FBXW4: variants seen among roughly 807,000 people sequenced by gnomAD.
The protein encoded by FBXW4 is F-box and WD repeat domain containing 4.
In FBXW4, 40 loss-of-function variants were observed where a neutral mutation model predicts 61.8. The observed-to-expected ratio is 0.65, with a 90% confidence interval of 0.50 to 0.84. FBXW4 has a LOEUF of 0.84. Among genes scored for constraint, FBXW4 ranks in the 40% least tolerant of loss-of-function variants. The pLI is 0.00. For missense variants in FBXW4, 672 were observed against 753.8 expected (o/e 0.89, Z 1.27); for synonymous variants, 311 against 313.8 (o/e 0.99, Z 0.10).
intron 1 of FBXW4, among the ~76,000 whole-genome samples, chr10:101,681,381 T>C (rs897741230): frequency 1.6e-5 from 2 of 122,448 alleles, no homozygotes; most frequent in Non-Finnish European, 3.3e-5. Context: ...AGAGCGAAAC[T>C]CCGTCTCAAA....
chr10:101,672,393 C>T (rs951884305), intron 4 of FBXW4, among the ~76,000 whole-genome samples: 3 of 152,106 alleles, frequency 2.0e-5, no homozygotes, highest in Admixed American at 6.5e-5. Context: ...ATCTGTGGAC[C>T]GGGCAATTTG....
At position 101,695,146 on chromosome 10, in the gene FBXW4, G is replaced by C; in HGVS notation, c.-41C>G. 3 of 985,124 alleles carry C rather than the reference G, an allele frequency of 3.0e-6. No individual in the cohort carries two copies. The highest frequency in any genetic ancestry group is 2.4e-6 in the Non-Finnish European group (2 of 829,980). The allele number at this position is 985,124 out of a possible 1,614,324, so 61.0% of individuals were successfully genotyped here. ...CGGCCCGACGCGGAGCCCAGCCCGA[G>C]CCGCCACCGCCGCCGCCCCGGGAGG... On this transcript the variant is annotated 5_prime_UTR_variant, in exon 1 of 9. Transcript: ENST00000331272. The surrounding 1 kb of genome is among the most constrained non-coding windows in gnomAD (Gnocchi z 4.2).
rs181800505 is a variant in FBXW4 at position 101,691,913 on chromosome 10, G to C, written c.725+2468C>G. 1.6e-3 allele frequency among the ~76,000 whole-genome samples: 245 copies of C among 152,270 alleles called. 1 individual carries two copies. The highest frequency in any genetic ancestry group is 0.01 in the Middle Eastern group (3 of 294). The stretch of plus-strand genomic sequence containing the variant: ...ACCATCAAATTCAAAATTTACAAGA[G>C]TAGAGTAATCTTCTACATTCAGTAA... On this transcript the variant is annotated intron_variant, in intron 1 of 8. Coordinates refer to ENST00000331272, the MANE Select transcript of FBXW4 (RefSeq NM_022039.4).
chr10:101,688,748 T>C (rs2064558429), intron 1 of FBXW4, among the ~76,000 whole-genome samples: 1 of 152,202 alleles, frequency 6.6e-6, no homozygotes, highest in Non-Finnish European at 1.5e-5. Flanking sequence ...TGAGGTAAAT[T>C]CTGAAGCTTA....
chr10:101,667,884 A>C lies in FBXW4; in HGVS notation c.1235+2T>G. The C allele has an allele frequency of 6.2e-7, 1 of 1,612,222 alleles. No individual in the cohort carries two copies. The highest frequency in any genetic ancestry group is 1.1e-5 in the South Asian group (1 of 91,032). Reference sequence around the variant, plus strand: ...AACCACATCCAAATATGTCTCCCTTACCTGAGTAATGGGCTGATAGCAATG... The same window carrying C: ...AACCACATCCAAATATGTCTCCCTTCCCTGAGTAATGGGCTGATAGCAATG... On this transcript the variant is annotated splice_donor_variant, in intron 5 of 8. Coordinates refer to ENST00000331272, the MANE Select transcript of FBXW4 (RefSeq NM_022039.4). LOFTEE classifies it high-confidence loss of function.
intron 2 of FBXW4, among the ~76,000 whole-genome samples, chr10:101,674,525 T>G (rs904392564): frequency 6.6e-6 from 1 of 152,182 alleles, no homozygotes; most frequent in African/African-American, 2.4e-5. Flanking sequence ...ATTCCCTTAT[T>G]CTGTTAGAGC....
chr10:101,633,328 A>G lies in FBXW4; in HGVS notation c.1236-8518T>C, dbSNP rs1001041570. On this transcript the variant is annotated intron_variant, in intron 5 of 8. Coordinates refer to ENST00000331272, the MANE Select transcript of FBXW4 (RefSeq NM_022039.4). ...GACATCAATGAAGCTGGAAACCATC[A>G]TTCTCAGCAAACTAACACAAGAACA... Among the ~76,000 whole-genome samples, 4 of 152,204 alleles carry G rather than the reference A, an allele frequency of 2.6e-5. No individual in the cohort carries two copies. The South Asian group carries it at 8.3e-4, about 32-fold the overall frequency.
At chr10:101,615,780 C>T (rs1051698423) in intron 6 of FBXW4, among the ~76,000 whole-genome samples, 7 of 152,158 alleles carry the variant, frequency 4.6e-5, no homozygotes, top group Admixed American at 1.3e-4. Context: ...CCTGGATAGC[C>T]CGCCAGGGAC....
intron 2 of FBXW4, among the ~76,000 whole-genome samples, chr10:101,675,951 TA>T (rs750179110): frequency 2.0e-5 from 3 of 152,232 alleles, no homozygotes; most frequent in Non-Finnish European, 4.4e-5. Context: ...GTAGAAGATT[TA>T]AATAAAAATA....
intron 7 of FBXW4, 77 bp downstream of exon 7, chr10:101,612,260 G>T: frequency 7.2e-7 from 1 of 1,391,378 alleles, no homozygotes; most frequent in Non-Finnish European, 9.4e-7. Flanking sequence ...TCTCCCATGG[G>T]CCAACCCAGG....
At chr10:101,647,040 A>T (rs1340090851) in intron 5 of FBXW4, among the ~76,000 whole-genome samples, 1 of 152,056 alleles carries the variant, frequency 6.6e-6, no homozygotes, top group Non-Finnish European at 1.5e-5. Context: ...AAACTCTAGG[A>T]CCTCAAGTTC....
At chr10:101,638,292 G>A (rs1388549075) in intron 5 of FBXW4, among the ~76,000 whole-genome samples, 1 of 152,146 alleles carries the variant, frequency 6.6e-6, no homozygotes, top group African/African-American at 2.4e-5. Flanking sequence ...ATGGTAGGAT[G>A]GGGTGCTCTG....
rs1338227283 is a variant in FBXW4 at position 101,611,858 on chromosome 10, C to T, written c.1443-89G>A. On this transcript the variant is annotated intron_variant, in intron 7 of 8. Transcript: ENST00000331272. This position sits in a 1 kb window ranked among gnomAD's most constrained non-coding sequence, Gnocchi z 4.9. The stretch of plus-strand genomic sequence containing the variant: ...TTGGGCCTAGAGTGGCTGAGGGGAG[C>T]GTTAAGGAGCCATTCCGGGATGGAA... The T allele has an allele frequency of 6.3e-6, 9 of 1,420,446 alleles. No homozygotes were observed. The highest frequency in any genetic ancestry group is 4.3e-5 in the African/African-American group (3 of 69,960). The allele number at this position is 1,420,446 out of a possible 1,614,324, so 88.0% of individuals were successfully genotyped here. A position where few individuals can be genotyped will look rare whatever the true frequency, so the allele number is the denominator to read the frequency against.
At chr10:101,614,741 T>G (rs2134799852) in intron 6 of FBXW4, among the ~76,000 whole-genome samples, 1 of 152,302 alleles carries the variant, frequency 6.6e-6, no homozygotes, top group East Asian at 1.9e-4. Flanking sequence ...CAAGGCTCTG[T>G]TGTGTGGTGC....
chr10:101,624,221 T>C (rs757273683), intron 6 of FBXW4, among the ~76,000 whole-genome samples: 3 of 152,104 alleles, frequency 2.0e-5, no homozygotes, highest in Non-Finnish European at 4.4e-5. Context: ...CTTTCCATCT[T>C]ATTTTTGTAA....
At chr10:101,678,405 G>A (rs887224294) in intron 1 of FBXW4, among the ~76,000 whole-genome samples, 13 of 152,184 alleles carry the variant, frequency 8.5e-5, no homozygotes, top group Non-Finnish European at 1.5e-4. Context: ...GCTGGCCAGG[G>A]AGAGATACAC....
At chr10:101,630,093 T>C (rs1436231962) in intron 5 of FBXW4, among the ~76,000 whole-genome samples, 6 of 152,178 alleles carry the variant, frequency 3.9e-5, no homozygotes, top group East Asian at 3.9e-4. Context: ...TCAACCCGCA[T>C]TGGCATTTTA....
At chr10:101,637,286 G>A (rs1351681661) in intron 5 of FBXW4, among the ~76,000 whole-genome samples, 1 of 150,896 alleles carries the variant, frequency 6.6e-6, no homozygotes, top group African/African-American at 2.4e-5. Flanking sequence ...CAGCTACTTG[G>A]GAGGCTGAGG....
At chr10:101,621,810 G>C (rs913321532) in intron 6 of FBXW4, among the ~76,000 whole-genome samples, 4 of 152,146 alleles carry the variant, frequency 2.6e-5, no homozygotes, top group Non-Finnish European at 5.9e-5. Flanking sequence ...AACAACTGAA[G>C]GACCTAGAAC....
Sources: allele counts gnomAD v4.1 joint callset (sites outside exome capture counted in the v4.1 genomes callset), GRCh38; gene constraint gnomAD v4.1.1; non-coding constraint Gnocchi (gnomAD v3.1); transcripts MANE v1.5; gene names NCBI Gene and HGNC (gene_info 2026-07-23, HGNC 2026-07-21).